SDCCAG8: variants seen among roughly 807,000 people sequenced by gnomAD.
SDCCAG8 encodes the protein serologically defined colon cancer antigen 8.
Under a neutral mutation model 101.8 loss-of-function variants are expected in SDCCAG8, and 74 were observed. That is an observed-to-expected ratio of 0.73 (90% CI 0.60 to 0.88). The LOEUF is 0.88. Ranked by LOEUF, SDCCAG8 falls within the 40% of genes least tolerant of loss-of-function variation. The pLI, the probability that SDCCAG8 is intolerant of heterozygous loss-of-function variation, is 0.00. For missense variants in SDCCAG8, 787 were observed against 822.6 expected, an observed-to-expected ratio of 0.96 and a Z score of 0.53; for synonymous variants, 281 against 292.9, an observed-to-expected ratio of 0.96 and a Z score of 0.41.
At chr1:243,440,771 G>A (rs186692910) in intron 16 of SDCCAG8, among the ~76,000 whole-genome samples, 3 of 152,158 alleles carry the variant, frequency 2.0e-5, no homozygotes, top group Non-Finnish European at 2.9e-5. Context: ...AATGCCTTTC[G>A]TGCTTTTGAA....
intron 16 of SDCCAG8, among the ~76,000 whole-genome samples, chr1:243,445,071 A>G (rs1404821940): frequency 6.6e-6 from 1 of 152,212 alleles, no homozygotes; most frequent in Non-Finnish European, 1.5e-5. Context: ...ACTTATCTCA[A>G]GTAAATTTAC....
At position 243,493,235 on chromosome 1, in the gene SDCCAG8, G is replaced by A. The variant is rs1281798555; in HGVS notation, c.2112+4095G>A. On this transcript the variant is annotated intron_variant, in intron 17 of 17. Coordinates refer to ENST00000366541, the MANE Select transcript of SDCCAG8 (RefSeq NM_006642.5). ...GAAACCTTGGTGGTGGGGGTGGGGGGAGGGGGATTCGGGGTGAGGGTGGTG... is the reference window on the plus strand; with the variant it reads ...GAAACCTTGGTGGTGGGGGTGGGGGAAGGGGGATTCGGGGTGAGGGTGGTG... Among the ~76,000 whole-genome samples, 832 of 138,772 alleles carry A rather than the reference G, an allele frequency of 6.0e-3. 3 individuals are homozygous for A. Among genetic ancestry groups the A allele is most frequent in the Non-Finnish European group, 0.01 (639 of 63,216 alleles). 91.0% of individuals were successfully genotyped at this position (138,772 alleles called of 152,430 possible). A position where few individuals can be genotyped will look rare whatever the true frequency, so the allele number is the denominator to read the frequency against.
chr1:243,415,127 G>C (rs1042219609), intron 13 of SDCCAG8, among the ~76,000 whole-genome samples: 1 of 152,144 alleles, frequency 6.6e-6, no homozygotes, highest in Non-Finnish European at 1.5e-5. Flanking sequence ...GCTGGGGGAA[G>C]TTATTCGTAT....
At position 243,399,338 on chromosome 1, in the gene SDCCAG8, A is replaced by G. The variant is rs1383690575; in HGVS notation, c.1617-16364A>G. ...TGACTTGTCTGAGAAACCCCATTAAAACCCTTCAGTGCAAGTCTTTCACAG... is the reference window on the plus strand; with the variant it reads ...TGACTTGTCTGAGAAACCCCATTAAGACCCTTCAGTGCAAGTCTTTCACAG... On this transcript the variant is annotated intron_variant, in intron 13 of 17. Transcript: ENST00000366541. Among the ~76,000 whole-genome samples, 6 of 152,116 alleles carry G rather than the reference A, an allele frequency of 3.9e-5. No individual in the cohort carries two copies. In the East Asian group the frequency reaches 7.7e-4, roughly 20 times the overall value.
chr1:243,300,545 C>G (rs2071397952), intron 6 of SDCCAG8, among the ~76,000 whole-genome samples: 1 of 152,118 alleles, frequency 6.6e-6, no homozygotes, highest in Admixed American at 6.6e-5. Context: ...AAATAAAAGT[C>G]TTGATATTTT....
intron 16 of SDCCAG8, among the ~76,000 whole-genome samples, chr1:243,471,874 ACTCT>A (rs1291783608): frequency 6.6e-6 from 1 of 152,134 alleles, no homozygotes; most frequent in Admixed American, 6.5e-5. Flanking sequence ...TCAGGATTCT[ACTCT>A]CTAATACATA....
intron 16 of SDCCAG8, among the ~76,000 whole-genome samples, chr1:243,444,334 G>T (rs1574077283): frequency 2.0e-5 from 3 of 149,960 alleles, no homozygotes; most frequent in South Asian, 4.2e-4. Flanking sequence ...CTTTATTTTA[G>T]TTCTGTTGCG....
intron 13 of SDCCAG8, among the ~76,000 whole-genome samples, chr1:243,385,983 C>A (rs1468120407): frequency 6.6e-6 from 1 of 152,158 alleles, no homozygotes; most frequent in Non-Finnish European, 1.5e-5. Context: ...AACACCACCA[C>A]CAACAACAAT....
chr1:243,349,466 A>G (rs2075959305), intron 12 of SDCCAG8, among the ~76,000 whole-genome samples: 1 of 152,234 alleles, frequency 6.6e-6, no homozygotes, highest in Non-Finnish European at 1.5e-5. Flanking sequence ...CTGACCCTTT[A>G]CAGAAAAAGT....
intron 16 of SDCCAG8, among the ~76,000 whole-genome samples, chr1:243,486,202 CAAAAAA>C (rs57724631): frequency 1.1e-3 from 65 of 61,418 alleles, no homozygotes; most frequent in East Asian, 3.3e-3. Context: ...ACTCTGCCTC[CAAAAAA>C]AAAAAAAAAA....
Position 243,286,877 on chromosome 1 carries a change from A to G in SDCCAG8, c.546+480A>G, listed in dbSNP as rs148255987. Among the ~76,000 whole-genome samples the G allele has an allele frequency of 3.6e-3, 546 of 152,326 alleles. 5 individuals carry two copies. Among genetic ancestry groups the G allele is most frequent in the African/African-American group, 0.012 (503 of 41,568 alleles). ...TAAGAAGGCTGGTGTTTAGCAAGTA[A>G]TTTTAGAAGGTTTTACATAGCTTAA... On this transcript the variant is annotated intron_variant, in intron 5 of 17. Coordinates refer to ENST00000366541, the MANE Select transcript of SDCCAG8 (RefSeq NM_006642.5).
In SDCCAG8 at chr1:243,279,293, G is replaced by A. The variant is rs1229799910; in HGVS notation, c.420+4637G>A. Among the ~76,000 whole-genome samples, 4 of 152,130 alleles carry A rather than the reference G, an allele frequency of 2.6e-5. No individual in the cohort carries two copies. In the East Asian group the frequency reaches 7.7e-4, roughly 29 times the overall value. On this transcript the variant is annotated intron_variant, in intron 4 of 17. Transcript: ENST00000366541. Reference sequence around the variant, plus strand: ...TTTCCTCTATTCCTAGTTACTGAGAGTACAGATGCCTCTCGACTTAAAATG... The same window carrying A: ...TTTCCTCTATTCCTAGTTACTGAGAATACAGATGCCTCTCGACTTAAAATG...
At chr1:243,432,287 C>A (rs1287424198) in intron 16 of SDCCAG8, among the ~76,000 whole-genome samples, 1 of 113,428 alleles carries the variant, frequency 8.8e-6, no homozygotes, top group African/African-American at 3.3e-5. Flanking sequence ...GAACAAAAAA[C>A]CAGATACCGT....
At chr1:243,353,942 A>T (rs1209412999) in intron 12 of SDCCAG8, among the ~76,000 whole-genome samples, 1 of 152,248 alleles carries the variant, frequency 6.6e-6, no homozygotes, top group Non-Finnish European at 1.5e-5. Flanking sequence ...TTAGAGTCAT[A>T]TAGGATTGTT....
At chr1:243,358,269 T>C (rs2076501711) in intron 12 of SDCCAG8, among the ~76,000 whole-genome samples, 1 of 152,200 alleles carries the variant, frequency 6.6e-6, no homozygotes, top group Admixed American at 6.5e-5. Flanking sequence ...AATTTTTAAA[T>C]GGGCAAAAGA....
At chr1:243,337,355 A>G (rs765971035) in intron 10 of SDCCAG8, among the ~76,000 whole-genome samples, 1 of 152,162 alleles carries the variant, frequency 6.6e-6, no homozygotes, top group Non-Finnish European at 1.5e-5. Context: ...TATTCGATAC[A>G]ATACATATCT....
intron 9 of SDCCAG8, among the ~76,000 whole-genome samples, chr1:243,318,993 G>A (rs1430815274): frequency 2.0e-5 from 3 of 152,240 alleles, no homozygotes; most frequent in East Asian, 3.9e-4. Flanking sequence ...GGCTGCATAC[G>A]AAGCATGGTG....
intron 17 of SDCCAG8, among the ~76,000 whole-genome samples, chr1:243,490,268 G>A (rs923380432): frequency 2.2e-4 from 33 of 152,240 alleles, no homozygotes; most frequent in African/African-American, 8.0e-4. Context: ...AAGGCCTGGA[G>A]GTGGAAATGC....
At position 243,398,051 on chromosome 1, in the gene SDCCAG8, C is replaced by T. The variant is rs141558580; in HGVS notation, c.1617-17651C>T. Among the ~76,000 whole-genome samples, 141 of 152,160 alleles carry T rather than the reference C, an allele frequency of 9.3e-4. 4 individuals are homozygous for T. The highest frequency in any genetic ancestry group is 3.0e-3 in the African/African-American group (125 of 41,508). On this transcript the variant is annotated intron_variant, in intron 13 of 17. Transcript: ENST00000366541. ...GGAGGAGCTATTAAGAAGCTATCAC[C>T]GGGAAAAATGATGACAATGCACAAT...
Sources: allele counts gnomAD v4.1 joint callset (sites outside exome capture counted in the v4.1 genomes callset), GRCh38; gene constraint gnomAD v4.1.1; transcripts MANE v1.5; gene names NCBI Gene and HGNC (gene_info 2026-07-23, HGNC 2026-07-21).